The following PPP2R3B variants were observed in gnomAD, a reference collection of about 807,000 sequenced individuals.
PPP2R3B encodes protein phosphatase 2 regulatory subunit B''beta, also known as serine/threonine-protein phosphatase 2A regulatory subunit B'' subunit beta.
PPP2R3B carries 68 observed loss-of-function variants against 72.9 expected under a neutral mutation model. That is an observed-to-expected ratio of 0.93 (90% CI 0.77 to 1.14). The LOEUF is 1.14. PPP2R3B is among the 50% of genes most tolerant of loss of function. The pLI is 0.00. For missense variants in PPP2R3B, 1,018 were observed against 842.0 expected (o/e 1.21, Z -2.59); for synonymous variants, 466 against 375.8 (o/e 1.24, Z -2.78).
At chrX:360,756 A>G (rs773728189) in intron 2 of PPP2R3B, among the ~76,000 whole-genome samples, 5 of 152,296 alleles carry the variant, frequency 3.3e-5, no homozygotes, top group African/African-American at 1.2e-4. Context: ...GTCCCTGGAA[A>G]CACAACCACC....
intron 2 of PPP2R3B, among the ~76,000 whole-genome samples, chrX:360,943 A>G (rs1403557495): frequency 6.6e-6 from 1 of 151,876 alleles, no homozygotes; most frequent in Non-Finnish European, 1.5e-5. Context: ...GGGTGAGTCT[A>G]GAAATGGGCC....
At position 343,704 on chromosome X, in the gene PPP2R3B, T is replaced by G. The variant is rs1397841659; in HGVS notation, c.1037-1773A>C. ...AGACCTCGCCAACGGGAGGCGGGAG[T>G]GAGACCTCAGCAACGGGAGGCGGGA... On this transcript the variant is annotated intron_variant, in intron 7 of 12. Coordinates refer to ENST00000390665, the MANE Select transcript of PPP2R3B (RefSeq NM_013239.5). Among the ~76,000 whole-genome samples, 96 of 31,274 alleles carry G rather than the reference T, an allele frequency of 3.1e-3. 2 individuals carry two copies. Among genetic ancestry groups the G allele is most frequent in the East Asian group, 4.8e-3 (5 of 1,048 alleles). 20.5% of individuals were successfully genotyped at this position (31,274 alleles called of 152,430 possible).
chrX:379,101 A>G (rs1384267415), intron 1 of PPP2R3B, among the ~76,000 whole-genome samples: 1 of 131,380 alleles, frequency 7.6e-6, no homozygotes, highest in African/African-American at 3.1e-5. Flanking sequence ...GTGTGTGTGT[A>G]TGCACCTGTG....
intron 1 of PPP2R3B, among the ~76,000 whole-genome samples, chrX:369,678 G>GGTGC (rs1413508618): frequency 4.6e-5 from 7 of 152,218 alleles, no homozygotes; most frequent in Non-Finnish European, 8.8e-5. Context: ...ATGTGCAGAG[G>GGTGC]GTGCGCACAG....
chrX:385,750 G>A (rs1174166527), intron 1 of PPP2R3B, among the ~76,000 whole-genome samples: 1 of 152,088 alleles, frequency 6.6e-6, no homozygotes, highest in Non-Finnish European at 1.5e-5. Flanking sequence ...CAGCCTAGGA[G>A]ACAGAGCAAG....
At chrX:338,940 A>G (rs1207139111) in intron 10 of PPP2R3B, 44 bp from the exon 11 acceptor site, 1 of 1,536,336 alleles carries the variant, frequency 6.5e-7, no homozygotes, top group Non-Finnish European at 9.0e-7. Flanking sequence ...GCCCGGTCTC[A>G]CCTTCGGGGC....
At chrX:349,107 T>G (rs1162322797) in intron 2 of PPP2R3B, among the ~76,000 whole-genome samples, 1 of 152,136 alleles carries the variant, frequency 6.6e-6, no homozygotes, top group Non-Finnish European at 1.5e-5. Context: ...AAGGGTGCTA[T>G]GGCCTGAATG....
chrX:345,327 A>ACCCAGACAC lies in PPP2R3B; in HGVS notation c.1036+180_1036+188dup, dbSNP rs1270911714. On this transcript the variant is annotated intron_variant, in intron 7 of 12. Transcript: ENST00000390665. Reference sequence around the variant, plus strand: ...GCCTCGGGCAGAGGCGCACGCGGGGACCCAGACACGGGGCAGCGACTGGGG... The same window carrying ACCCAGACAC: ...GCCTCGGGCAGAGGCGCACGCGGGGACCCAGACACCCCAGACACGGGGCAGCGACTGGGG... The ACCCAGACAC allele has an allele frequency of 4.8e-6, 4 of 838,186 alleles. No homozygotes were observed. The African/African-American group carries it at 6.7e-5, about 14-fold the overall frequency. The allele number at this position is 838,186 out of a possible 1,614,324, so 51.9% of individuals were successfully genotyped here. A position where few individuals can be genotyped will look rare whatever the true frequency, so the allele number is the denominator to read the frequency against.
chrX:376,106 G>A (rs1243324342), intron 1 of PPP2R3B, among the ~76,000 whole-genome samples: 3 of 151,942 alleles, frequency 2.0e-5, no homozygotes, highest in Non-Finnish European at 4.4e-5. Context: ...GAGAAGAATC[G>A]CTTGAACTCA....
rs2072253944 is a variant in PPP2R3B, at chrX:386,488, G to A, written c.204C>T (p.Pro68=). ...GGGTTCCCGGGGGTTCGAGCCCGCT[G>A]GGCCGGGGGGCGGCGAGCGGGGCTG... ...WPTAPLAAPR[P]SGLEPPGTPG... is the part of the protein sequence containing the mutation. Residue 68 remains proline (P), a synonymous_variant, in exon 1 of 13, where the codon CCC becomes CCT. Coordinates refer to ENST00000390665, the MANE Select transcript of PPP2R3B (RefSeq NM_013239.5). The A allele has an allele frequency of 1.6e-6, 2 of 1,286,642 alleles. No homozygotes were observed. Among genetic ancestry groups the A allele is most frequent in the South Asian group, 2.7e-5 (1 of 36,396 alleles). The allele number at this position is 1,286,642 out of a possible 1,614,324, so 79.7% of individuals were successfully genotyped here.
chrX:341,656 A>G, intron 8 of PPP2R3B: 1 of 651,414 alleles, frequency 1.5e-6, no homozygotes, highest in South Asian at 1.9e-5. Context: ...AGAACCCCCG[A>G]CCTGGGGCCT....
chrX:348,860 G>A, intron 2 of PPP2R3B, among the ~76,000 whole-genome samples: 1 of 151,906 alleles, frequency 6.6e-6, no homozygotes, highest in East Asian at 1.9e-4. Context: ...TCACACATGC[G>A]TTCCCCTGGA....
intron 1 of PPP2R3B, among the ~76,000 whole-genome samples, chrX:363,810 C>T (rs961991623): frequency 2.0e-5 from 3 of 152,248 alleles, no homozygotes; most frequent in African/African-American, 7.2e-5. Flanking sequence ...ACGCTGGGTT[C>T]ACACAGCTCT....
intron 1 of PPP2R3B, among the ~76,000 whole-genome samples, chrX:380,537 G>C (rs1311915118): frequency 2.0e-5 from 3 of 152,110 alleles, no homozygotes; most frequent in Non-Finnish European, 2.9e-5. Context: ...TGTCATCCCA[G>C]CACTCTGGGA....
chrX:384,889 G>A (rs1014108878), intron 1 of PPP2R3B, among the ~76,000 whole-genome samples: 4 of 151,320 alleles, frequency 2.6e-5, no homozygotes, highest in African/African-American at 9.7e-5. Context: ...GGAGGCTGAG[G>A]GAGGAGAATC....
intron 2 of PPP2R3B, among the ~76,000 whole-genome samples, chrX:348,660 T>A (rs1451203284): frequency 6.6e-6 from 1 of 151,916 alleles, no homozygotes; most frequent in African/African-American, 2.4e-5. Context: ...ATGAATCACT[T>A]TATGCCTGTA....
At chrX:338,528 T>TCCCACTCACCCGTCCTC in intron 12 of PPP2R3B, 76 bp downstream of exon 12, 14 of 444,504 alleles carry the variant, frequency 3.1e-5, no homozygotes, top group South Asian at 5.0e-5. Context: ...ACACCCGTCC[T>TCCCACTCACCCGTCCTC]CCCACTCACC....
chrX:379,173 G>C (rs1259865596), intron 1 of PPP2R3B, among the ~76,000 whole-genome samples: 5 of 151,480 alleles, frequency 3.3e-5, no homozygotes, highest in Admixed American at 2.6e-4. Context: ...GTACCTGTGT[G>C]TATGGACCTA....
intron 1 of PPP2R3B, among the ~76,000 whole-genome samples, chrX:371,606 C>T (rs1265553182): frequency 1.3e-5 from 2 of 152,048 alleles, no homozygotes; most frequent in South Asian, 4.1e-4. Context: ...AGGCTGTGCC[C>T]GTCAGAGGAC....
Sources: allele counts gnomAD v4.1 joint callset (sites outside exome capture counted in the v4.1 genomes callset), GRCh38; gene constraint gnomAD v4.1.1; transcripts MANE v1.5; gene names NCBI Gene and HGNC (gene_info 2026-07-23, HGNC 2026-07-21).